PARD3B: variants seen among roughly 807,000 people sequenced by gnomAD.
PARD3B encodes the protein par-3 family cell polarity regulator beta.
A neutral mutation model predicts 130.2 loss-of-function variants in PARD3B; 103 were observed. The ratio of observed to expected loss-of-function variants is 0.79; its 90% confidence interval spans 0.67 to 0.93. PARD3B has a LOEUF of 0.93. Ranked by LOEUF, PARD3B falls within the 40% of genes least tolerant of loss-of-function variation. The pLI, the probability that PARD3B is intolerant of heterozygous loss-of-function variation, is 0.00. For missense variants in PARD3B, 1,609 were observed against 1,499.2 expected (o/e 1.07, Z -1.21); for synonymous variants, 583 against 553.2 (o/e 1.05, Z -0.76).
rs933590273 is a variant in PARD3B, at chr2:205,405,316, G to A, written c.2741+4193G>A. On this transcript the variant is annotated intron_variant, in intron 19 of 22. Coordinates refer to ENST00000406610, the MANE Select transcript of PARD3B (RefSeq NM_001302769.2). The surrounding 1 kb of genome is among the most constrained non-coding windows in gnomAD (Gnocchi z 4.1). ...CTTTTACTGGATAGAGGCTAGAAATGTAGCTAAAAATCTTACAATGCACAG... is the reference window on the plus strand; with the variant it reads ...CTTTTACTGGATAGAGGCTAGAAATATAGCTAAAAATCTTACAATGCACAG... Among the ~76,000 whole-genome samples the A allele has an allele frequency of 4.6e-5, 7 of 152,124 alleles. No individual in the cohort carries two copies. The highest frequency in any genetic ancestry group is 1.0e-4 in the Non-Finnish European group (7 of 68,028).
At chr2:205,505,484 G>T (rs1399503689) in intron 21 of PARD3B, among the ~76,000 whole-genome samples, 1 of 152,180 alleles carries the variant, frequency 6.6e-6, no homozygotes, top group African/African-American at 2.4e-5. Context: ...CTGTTCTGTT[G>T]TGTAACTGTT....
At chr2:205,248,632 G>A (rs1232208138) in intron 16 of PARD3B, among the ~76,000 whole-genome samples, 1 of 121,888 alleles carries the variant, frequency 8.2e-6, no homozygotes, top group Non-Finnish European at 1.6e-5. Flanking sequence ...TTTTTGAGAC[G>A]GAGTGGCTCT....
chr2:205,182,379 G>A (rs1022864192), intron 13 of PARD3B, among the ~76,000 whole-genome samples: 6 of 149,824 alleles, frequency 4.0e-5, no homozygotes, highest in African/African-American at 9.8e-5. Context: ...CCTCTACACC[G>A]ATCACCACTT....
chr2:205,379,559 T>C (rs768747543), intron 18 of PARD3B, among the ~76,000 whole-genome samples: 12 of 152,202 alleles, frequency 7.9e-5, no homozygotes, highest in Middle Eastern at 3.2e-3. Context: ...TATTTTACAT[T>C]GTTATTTTAA....
At chr2:205,443,744 T>C (rs750078913) in intron 20 of PARD3B, among the ~76,000 whole-genome samples, 5 of 151,880 alleles carry the variant, frequency 3.3e-5, no homozygotes, top group Non-Finnish European at 7.4e-5. Context: ...GGAAGGAAAG[T>C]GATAGGAAAA....
chr2:205,241,958 T>G lies in PARD3B; in HGVS notation c.2141-3820T>G, dbSNP rs1041140490. Among the ~76,000 whole-genome samples the G allele has an allele frequency of 2.0e-5, 3 of 152,168 alleles. No homozygotes were observed. The highest frequency in any genetic ancestry group is 1.3e-4 in the Admixed American group (2 of 15,266). On this transcript the variant is annotated intron_variant, in intron 15 of 22. Coordinates refer to ENST00000406610, the MANE Select transcript of PARD3B (RefSeq NM_001302769.2). The surrounding 1 kb of genome is among the most constrained non-coding windows in gnomAD (Gnocchi z 4.2). Reference sequence around the variant, plus strand: ...TAACACTTGCCATTTAAAAAAAAACTTGGTGGCATGTGTAATTTTACCTCA... The same window carrying G: ...TAACACTTGCCATTTAAAAAAAAACGTGGTGGCATGTGTAATTTTACCTCA...
intron 2 of PARD3B, among the ~76,000 whole-genome samples, chr2:204,935,938 A>G (rs1419155940): frequency 6.6e-6 from 1 of 152,216 alleles, no homozygotes; most frequent in Non-Finnish European, 1.5e-5. Context: ...CTAAAAACAA[A>G]TTTCCAATTA....
chr2:205,552,708 C>G (rs2052703359), intron 21 of PARD3B, among the ~76,000 whole-genome samples: 1 of 152,084 alleles, frequency 6.6e-6, no homozygotes, highest in African/African-American at 2.4e-5. Context: ...GCCACCGAAC[C>G]CAGCCAGAAA....
At position 205,280,278 on chromosome 2, in the gene PARD3B, G is replaced by A. The variant is rs1205519848; in HGVS notation, c.2186-20252G>A. Among the ~76,000 whole-genome samples, 1 of 152,168 alleles carries A rather than the reference G, an allele frequency of 6.6e-6. No individual in the cohort carries two copies. The highest frequency in any genetic ancestry group is 1.5e-5 in the Non-Finnish European group (1 of 68,014). On this transcript the variant is annotated intron_variant, in intron 16 of 22. Transcript: ENST00000406610. The surrounding 1 kb of genome is among the most constrained non-coding windows in gnomAD (Gnocchi z 4.7). ...TTAAACTGTTTGTCACCAAAGAAAA[G>A]TAGATGGTATTTTTGTGCCTTGGAT...
At chr2:204,895,438 A>T (rs898261250) in intron 2 of PARD3B, among the ~76,000 whole-genome samples, 1 of 152,240 alleles carries the variant, frequency 6.6e-6, no homozygotes, top group South Asian at 2.1e-4. Flanking sequence ...GTTATAACCC[A>T]GCCAAAGCTA....
At chr2:204,551,932 G>A (rs2030493472) in intron 1 of PARD3B, among the ~76,000 whole-genome samples, 1 of 152,292 alleles carries the variant, frequency 6.6e-6, no homozygotes, top group East Asian at 1.9e-4. Flanking sequence ...AGAACTTTCT[G>A]GGATGAAGAG....
At chr2:205,159,675 A>G (rs933500795) in intron 11 of PARD3B, among the ~76,000 whole-genome samples, 10 of 152,226 alleles carry the variant, frequency 6.6e-5, no homozygotes, top group Non-Finnish European at 8.8e-5. Flanking sequence ...TAAAGTGATG[A>G]TAGAGGAAGG....
intron 2 of PARD3B, among the ~76,000 whole-genome samples, chr2:204,695,912 A>ATTT (rs952320585): frequency 3.3e-5 from 5 of 151,942 alleles, no homozygotes; most frequent in African/African-American, 1.2e-4. Flanking sequence ...CAAAAATTGC[A>ATTT]TTTTTCTTTA....
intron 3 of PARD3B, among the ~76,000 whole-genome samples, chr2:205,018,582 A>G (rs762495008): frequency 7.9e-4 from 120 of 152,044 alleles, no homozygotes; most frequent in Non-Finnish European, 1.0e-3. Flanking sequence ...TTAAAGTGTG[A>G]TGAAAATAAC....
chr2:204,885,317 A>G (rs1355715278), intron 2 of PARD3B, among the ~76,000 whole-genome samples: 13 of 152,066 alleles, frequency 8.5e-5, no homozygotes, highest in Non-Finnish European at 1.5e-5. Flanking sequence ...CCACTTTTTA[A>G]TGGGGTTGTT....
chr2:204,777,694 G>C (rs1283427922), intron 2 of PARD3B, among the ~76,000 whole-genome samples: 1 of 152,106 alleles, frequency 6.6e-6, no homozygotes, highest in Non-Finnish European at 1.5e-5. Flanking sequence ...ACTTGAGCCT[G>C]GGAGGTCAAG....
intron 18 of PARD3B, among the ~76,000 whole-genome samples, chr2:205,323,214 C>A (rs1340601705): frequency 6.6e-6 from 1 of 151,830 alleles, no homozygotes; most frequent in Non-Finnish European, 1.5e-5. Context: ...TGGCCTAACA[C>A]CCCCTTTTAA....
chr2:204,706,282 G>T (rs906027494), intron 2 of PARD3B, among the ~76,000 whole-genome samples: 5 of 151,230 alleles, frequency 3.3e-5, no homozygotes, highest in African/African-American at 1.2e-4. Flanking sequence ...CAGGAGAATC[G>T]CTTGAACCTA....
At chr2:205,349,407 A>T (rs1432586641) in intron 18 of PARD3B, among the ~76,000 whole-genome samples, 2 of 152,220 alleles carry the variant, frequency 1.3e-5, no homozygotes, top group African/African-American at 4.8e-5. Flanking sequence ...CTCTCCTGGC[A>T]TGAGATAGGT....
Sources: allele counts gnomAD v4.1 joint callset (sites outside exome capture counted in the v4.1 genomes callset), GRCh38; gene constraint gnomAD v4.1.1; non-coding constraint Gnocchi (gnomAD v3.1); transcripts MANE v1.5; gene names NCBI Gene and HGNC (gene_info 2026-07-23, HGNC 2026-07-21).